GSTCD: variants seen among roughly 807,000 people sequenced by gnomAD.
The protein encoded by GSTCD is glutathione S-transferase C-terminal domain containing, also known as glutathione S-transferase C-terminal domain-containing protein.
In GSTCD, 44 loss-of-function variants were observed where a neutral mutation model predicts 68.3. The ratio of observed to expected loss-of-function variants is 0.64; its 90% confidence interval spans 0.51 to 0.83. GSTCD has a LOEUF of 0.83. Among genes scored for constraint, GSTCD ranks in the 40% least tolerant of loss-of-function variants. The pLI is 0.00. For missense variants in GSTCD, 739 were observed against 735.9 expected (o/e 1.00, Z -0.05); for synonymous variants, 273 against 255.2 (o/e 1.07, Z -0.67).
At chr4:105,775,110 G>A (rs548525623) in intron 5 of GSTCD, among the ~76,000 whole-genome samples, 5 of 151,918 alleles carry the variant, frequency 3.3e-5, no homozygotes, top group South Asian at 4.2e-4. Flanking sequence ...TACATTGATC[G>A]TCAGTCTCTG....
chr4:105,768,037 AAT>A (rs1491270722), intron 5 of GSTCD, among the ~76,000 whole-genome samples: 22 of 151,666 alleles, frequency 1.5e-4, no homozygotes, highest in Admixed American at 3.9e-4. Flanking sequence ...GTAAAAAAAA[AAT>A]TTTTTTTTTT....
rs1723216100 is a variant in GSTCD, at chr4:105,820,159, G to A, written c.1241-2795G>A. Among the ~76,000 whole-genome samples the A allele has an allele frequency of 2.0e-5, 3 of 150,570 alleles. No individual in the cohort carries two copies. The South Asian group carries it at 6.3e-4, about 32-fold the overall frequency. ...TTTTTTTTTCATTATTTGATGCTTT[G>A]GATGAACCAAAAATGCTGGTGTTTT... On this transcript the variant is annotated intron_variant, in intron 5 of 11. Transcript: ENST00000515279.
chr4:105,743,007 T>G, intron 5 of GSTCD, among the ~76,000 whole-genome samples: 1 of 151,696 alleles, frequency 6.6e-6, no homozygotes, highest in South Asian at 2.1e-4. Flanking sequence ...TAGAGTGCAG[T>G]GCCGCGATCT....
At chr4:105,826,242 T>A (rs945197344) in intron 8 of GSTCD, 1 of 152,198 alleles carries the variant, frequency 6.6e-6, no homozygotes, top group Non-Finnish European at 1.5e-5. Context: ...TATATTTACA[T>A]GTATTTTCAG....
intron 5 of GSTCD, among the ~76,000 whole-genome samples, chr4:105,819,687 T>C (rs1723182690): frequency 6.6e-6 from 1 of 151,804 alleles, no homozygotes; most frequent in African/African-American, 2.4e-5. Context: ...TTTGTGGTTG[T>C]CGTCTTCCCT....
chr4:105,813,162 C>G lies in GSTCD; in HGVS notation c.1241-9792C>G, dbSNP rs1722822750. Among the ~76,000 whole-genome samples the G allele has an allele frequency of 2.0e-5, 3 of 152,248 alleles. No individual in the cohort carries two copies. The South Asian group carries it at 6.2e-4, about 32-fold the overall frequency. On this transcript the variant is annotated intron_variant, in intron 5 of 11. Coordinates refer to ENST00000515279, the MANE Select transcript of GSTCD (RefSeq NM_001370181.1). ...CATTTTTCATCTGATAATGCAATAACAGTACCCAACCTCATTGAGCTGTTA... is the reference window on the plus strand; with the variant it reads ...CATTTTTCATCTGATAATGCAATAAGAGTACCCAACCTCATTGAGCTGTTA...
intron 5 of GSTCD, among the ~76,000 whole-genome samples, chr4:105,815,662 G>A (rs1463630220): frequency 6.6e-6 from 1 of 152,100 alleles, no homozygotes; most frequent in Non-Finnish European, 1.5e-5. Context: ...CCTAATTACT[G>A]TGAAACATCA....
intron 5 of GSTCD, among the ~76,000 whole-genome samples, chr4:105,783,433 T>C (rs1735353031): frequency 6.6e-6 from 1 of 152,194 alleles, no homozygotes; most frequent in Non-Finnish European, 1.5e-5. Context: ...CTTAAAACTT[T>C]TTTATATTAA....
At chr4:105,782,177 G>A (rs1735298530) in intron 5 of GSTCD, among the ~76,000 whole-genome samples, 1 of 152,000 alleles carries the variant, frequency 6.6e-6, no homozygotes, top group Non-Finnish European at 1.5e-5. Flanking sequence ...AGAATATGAG[G>A]AACAGGGGAA....
chr4:105,783,317 T>G (rs757292144), intron 5 of GSTCD, among the ~76,000 whole-genome samples: 8 of 152,188 alleles, frequency 5.3e-5, no homozygotes, highest in Non-Finnish European at 1.0e-4. Context: ...AAAAGTAGCT[T>G]TCTGTTGCTT....
chr4:105,769,917 C>T (rs1169739392), intron 5 of GSTCD, among the ~76,000 whole-genome samples: 3 of 152,052 alleles, frequency 2.0e-5, no homozygotes, highest in Non-Finnish European at 2.9e-5. Flanking sequence ...CCATGCCTGC[C>T]TAATTTTTAA....
At chr4:105,735,688 C>T (rs1560802661) in intron 5 of GSTCD, among the ~76,000 whole-genome samples, 1 of 152,096 alleles carries the variant, frequency 6.6e-6, no homozygotes, top group Non-Finnish European at 1.5e-5. Flanking sequence ...TGTCCTGCCC[C>T]CACTGTCCGA....
intron 8 of GSTCD, among the ~76,000 whole-genome samples, chr4:105,833,356 G>A (rs1337339298): frequency 6.6e-6 from 1 of 152,000 alleles, no homozygotes; most frequent in Non-Finnish European, 1.5e-5. Context: ...CCAGCTACTC[G>A]GGAGGCTGAG....
chr4:105,781,411 C>CT (rs35271170), intron 5 of GSTCD, among the ~76,000 whole-genome samples: 8,240 of 141,364 alleles, frequency 0.058, 242 homozygotes, highest in Middle Eastern at 0.14. Flanking sequence ...TCATGCTCAG[C>CT]TTTTTTTTTT....
At chr4:105,716,475 C>T (rs1723703787) in intron 1 of GSTCD, among the ~76,000 whole-genome samples, 1 of 152,160 alleles carries the variant, frequency 6.6e-6, no homozygotes, top group Non-Finnish European at 1.5e-5. Context: ...TTAGGAACCC[C>T]ACCTCAAAGT....
intron 5 of GSTCD, among the ~76,000 whole-genome samples, chr4:105,762,478 GT>G (rs1734451399): frequency 6.6e-6 from 1 of 152,206 alleles, no homozygotes; most frequent in Non-Finnish European, 1.5e-5. Flanking sequence ...AGTGGATGCA[GT>G]TTTGTACCTG....
At chr4:105,731,943 G>T (rs1733258056) in intron 5 of GSTCD, among the ~76,000 whole-genome samples, 1 of 152,152 alleles carries the variant, frequency 6.6e-6, no homozygotes, top group African/African-American at 2.4e-5. Flanking sequence ...TGCATCTATT[G>T]AGATAATCAT....
chr4:105,767,179 G>A (rs1346444627), intron 5 of GSTCD, among the ~76,000 whole-genome samples: 1 of 152,096 alleles, frequency 6.6e-6, no homozygotes, highest in African/African-American at 2.4e-5. Flanking sequence ...ACAGCTGGGT[G>A]TTTGCTTTAT....
chr4:105,842,547 G>T (rs1052074402), intron 11 of GSTCD, among the ~76,000 whole-genome samples: 3 of 152,136 alleles, frequency 2.0e-5, no homozygotes, highest in African/African-American at 4.8e-5. Context: ...AAGGATACTT[G>T]TGTATTATTT....
Sources: allele counts gnomAD v4.1 joint callset (sites outside exome capture counted in the v4.1 genomes callset), GRCh38; gene constraint gnomAD v4.1.1; transcripts MANE v1.5; gene names NCBI Gene and HGNC (gene_info 2026-07-23, HGNC 2026-07-21).